MACF1: variants seen among roughly 807,000 people sequenced by gnomAD.
The protein encoded by MACF1 is microtubule-actin cross-linking factor 1.
In MACF1, 193 loss-of-function variants were observed where a neutral mutation model predicts 854.8. The ratio of observed to expected loss-of-function variants is 0.23; its 90% CI spans 0.20 to 0.25. The LOEUF (loss-of-function observed/expected upper bound fraction) is 0.25, where lower values mean the gene tolerates loss of function less well. MACF1 is among the 10% of genes least tolerant of loss of function. The pLI is 1.00. For synonymous variants in MACF1, 3,185 were observed against 3,226.7 expected (o/e 0.99, Z 0.44); for missense variants, 7,722 against 8,929.1 (o/e 0.86, Z 5.45).
chr1:39,258,314 C>G (rs566891740), intron 6 of MACF1, among the ~76,000 whole-genome samples: 9 of 152,314 alleles, frequency 5.9e-5, no homozygotes, highest in Non-Finnish European at 1.3e-4. Context: ...GTTTGCTCAG[C>G]TGAATCAAAA....
At chr1:39,423,584 G>A (rs1198849539) in intron 60 of MACF1, among the ~76,000 whole-genome samples, 6 of 144,388 alleles carry the variant, frequency 4.2e-5, no homozygotes, top group South Asian at 4.3e-4. Flanking sequence ...GCAGTGAGCC[G>A]AGATCGAGCC....
At chr1:39,419,950 G>A (rs1434955023) in intron 58 of MACF1, among the ~76,000 whole-genome samples, 4 of 152,282 alleles carry the variant, frequency 2.6e-5, no homozygotes, top group Middle Eastern at 3.4e-3. Flanking sequence ...TTACAGGCAT[G>A]AGCCACTTGC....
intron 2 of MACF1, among the ~76,000 whole-genome samples, chr1:39,139,529 A>G (rs998848632): frequency 6.6e-6 from 1 of 151,132 alleles, no homozygotes; most frequent in Admixed American, 6.6e-5. Context: ...ATTTGCCACT[A>G]TTCTTTATAT....
rs1466988198 is a variant in MACF1 at position 39,409,292 on chromosome 1, C to A, written c.15817-13082C>A. Among the ~76,000 whole-genome samples the A allele has an allele frequency of 1.3e-5, 2 of 152,040 alleles. No homozygotes were observed. Among genetic ancestry groups the A allele is most frequent in the Non-Finnish European group, 2.9e-5 (2 of 67,964 alleles). On this transcript the variant is annotated intron_variant, in intron 58 of 100. Transcript: ENST00000564288. This position sits in a 1 kb window ranked among gnomAD's most constrained non-coding sequence, Gnocchi z 4.2. ...CATGCAGCCCACGGCGTGGCGGCTGCGGGCCGGGGACTGGCGGCGGCGGGC... is the reference window on the plus strand; with the variant it reads ...CATGCAGCCCACGGCGTGGCGGCTGAGGGCCGGGGACTGGCGGCGGCGGGC...
At chr1:39,439,965 A>C (rs1199099428) in intron 72 of MACF1, among the ~76,000 whole-genome samples, 1 of 152,034 alleles carries the variant, frequency 6.6e-6, no homozygotes, top group Non-Finnish European at 1.5e-5. Flanking sequence ...ATTATATTAC[A>C]TTTCTTAAAT....
intron 15 of MACF1, among the ~76,000 whole-genome samples, chr1:39,290,746 C>T (rs1271704958): frequency 6.7e-6 from 1 of 149,040 alleles, no homozygotes; most frequent in Admixed American, 6.7e-5. Context: ...CGGCTCACTG[C>T]AACCTCTGCC....
chr1:39,303,979 C>G (rs1027543462), intron 23 of MACF1, among the ~76,000 whole-genome samples: 1 of 149,170 alleles, frequency 6.7e-6, no homozygotes, highest in Non-Finnish European at 1.5e-5. Flanking sequence ...TTCAGAACTT[C>G]AGTGGAATGG....
At chr1:39,424,282 A>G in intron 61 of MACF1, 88 bp downstream of exon 61, 1 of 1,181,060 alleles carries the variant, frequency 8.5e-7, no homozygotes, top group Middle Eastern at 2.6e-4. Context: ...TGGATGATTC[A>G]TATAGATTTT....
In MACF1 at chr1:39,283,945, C is replaced by A. The variant is rs1645599361; in HGVS notation, c.916-121C>A. 1 of 1,083,954 alleles carries A rather than the reference C, an allele frequency of 9.2e-7. No individual in the cohort carries two copies. Among genetic ancestry groups the A allele is most frequent in the Non-Finnish European group, 1.4e-6 (1 of 740,462 alleles). The allele number at this position is 1,083,954 out of a possible 1,614,324, so 67.1% of individuals were successfully genotyped here. A position where few individuals can be genotyped will look rare whatever the true frequency, so the allele number is the denominator to read the frequency against. On this transcript the variant is annotated intron_variant, in intron 9 of 100. Transcript: ENST00000564288. This position sits in a 1 kb window ranked among gnomAD's most constrained non-coding sequence, Gnocchi z 4.5. ...CTAGTACTGTGAGCATTAAACTGAG[C>A]AGCATCTAGGCAATTAAAGGAAATG...
intron 87 of MACF1, among the ~76,000 whole-genome samples, chr1:39,453,265 C>T (rs1245380771): frequency 6.6e-6 from 1 of 152,108 alleles, no homozygotes; most frequent in Non-Finnish European, 1.5e-5. Context: ...TTATGTTATC[C>T]ACTCAGAGAT....
chr1:39,280,506 G>A (rs1052104485), intron 6 of MACF1, among the ~76,000 whole-genome samples: 7 of 152,116 alleles, frequency 4.6e-5, no homozygotes, highest in African/African-American at 7.2e-5. Flanking sequence ...CTCAGGAAAC[G>A]TGCAGTCTAG....
chr1:39,290,945 G>A (rs1645769605), intron 15 of MACF1, among the ~76,000 whole-genome samples: 1 of 151,658 alleles, frequency 6.6e-6, no homozygotes, highest in South Asian at 2.1e-4. Flanking sequence ...AAAGTGCTGG[G>A]ATTACAGGAG....
At chr1:39,473,047 T>C (rs369787207) in intron 97 of MACF1, among the ~76,000 whole-genome samples, 14 of 152,352 alleles carry the variant, frequency 9.2e-5, no homozygotes, top group East Asian at 7.7e-4. Flanking sequence ...TGAAATACTA[T>C]CCCAAGAGGT....
chr1:39,382,018 A>C lies in MACF1; in HGVS notation c.13714A>C (p.Ser4572Arg). The change falls in exon 56 of 101, where the codon AGT becomes CGT. Residue 4572 changes from serine (S) to arginine (R), a missense_variant. This residue lies in a region of MACF1 where 2,807 missense variants were observed against 3,235.8 expected (regional missense o/e 0.87). Transcript: ENST00000564288. ...GCAAAGGCAGCTAGAGGAATCTGCA[A>C]GTCATCTGGCCTGCTTCCAGGCTGC... ...ARQRQLEESA[S>R]HLACFQAAES... The C allele has an allele frequency of 6.2e-7, 1 of 1,614,140 alleles. No homozygotes were observed. The highest frequency in any genetic ancestry group is 1.1e-5 in the South Asian group (1 of 91,082).
At chr1:39,141,880 A>G (rs1643353448) in intron 2 of MACF1, among the ~76,000 whole-genome samples, 1 of 152,180 alleles carries the variant, frequency 6.6e-6, no homozygotes, top group South Asian at 2.1e-4. Context: ...TATAGTCAGA[A>G]TTTAGAAAGG....
At chr1:39,268,549 G>GGGGA (rs1391684732) in intron 6 of MACF1, 1 of 1,170,030 alleles carries the variant, frequency 8.5e-7, no homozygotes, top group African/African-American at 1.6e-5. Context: ...AGAGAGAGGC[G>GGGGA]GGGAGGGAGG....
At chr1:39,111,412 T>C (rs1197483983) in intron 2 of MACF1, among the ~76,000 whole-genome samples, 1 of 152,014 alleles carries the variant, frequency 6.6e-6, no homozygotes, top group Admixed American at 6.6e-5. Flanking sequence ...AGACGGAGTC[T>C]CACTCTGTCA....
At chr1:39,411,174 G>C in intron 58 of MACF1, 1 of 1,613,674 alleles carries the variant, frequency 6.2e-7, no homozygotes. Flanking sequence ...ATCCAGAATT[G>C]CATGTTCTCA....
intron 47 of MACF1, among the ~76,000 whole-genome samples, chr1:39,359,641 C>T (rs959373668): frequency 1.3e-5 from 2 of 151,858 alleles, no homozygotes; most frequent in African/African-American, 2.4e-5. Context: ...AAGATGTAGC[C>T]AAGAGTATAT....
Sources: gnomAD v4.1 joint callset for allele counts (sites outside exome capture counted in the v4.1 genomes callset) on GRCh38, gnomAD v4.1.1 for gene constraint, gnomAD v4.1.1 regional missense constraint, Gnocchi (gnomAD v3.1) non-coding constraint, MANE v1.5 for transcripts, NCBI Gene and HGNC (gene_info 2026-07-23, HGNC 2026-07-21) for gene names.